Variants in TEKT5 observed in about 807,000 individuals in gnomAD.
TEKT5 encodes tektin 5.
Under a neutral mutation model 48.7 loss-of-function variants are expected in TEKT5, and 52 were observed. That is an observed-to-expected ratio of 1.07 (90% confidence interval 0.86 to 1.35). The LOEUF is 1.35. Among genes scored for constraint, TEKT5 ranks in the 40% most tolerant of loss-of-function variants. The pLI, the probability that TEKT5 is intolerant of heterozygous loss-of-function variation, is 0.00. For synonymous variants in TEKT5, 318 were observed against 267.6 expected, an observed-to-expected ratio of 1.19 and a Z score of -1.84; for missense variants, 831 against 641.6, an observed-to-expected ratio of 1.30 and a Z score of -3.19.
At chr16:10,679,774 G>A (rs993643526) in intron 4 of TEKT5, among the ~76,000 whole-genome samples, 1 of 152,108 alleles carries the variant, frequency 6.6e-6, no homozygotes, top group African/African-American at 2.4e-5. Flanking sequence ...GCACATGCCT[G>A]TAATCCCAGC....
intron 6 of TEKT5, among the ~76,000 whole-genome samples, chr16:10,629,140 C>T (rs1897798489): frequency 6.6e-6 from 1 of 152,014 alleles, no homozygotes; most frequent in African/African-American, 2.4e-5. Flanking sequence ...ACGGGGTTTC[C>T]TTTTGGGTTG....
intron 5 of TEKT5, among the ~76,000 whole-genome samples, chr16:10,639,233 G>A (rs1168885395): frequency 6.6e-6 from 1 of 152,252 alleles, no homozygotes; most frequent in African/African-American, 2.4e-5. Flanking sequence ...TTTGAGCCCA[G>A]GAGTTCAAGG....
intron 3 of TEKT5, 113 bp from the exon 4 acceptor site, chr16:10,682,249 G>T: frequency 8.0e-7 from 1 of 1,252,514 alleles, no homozygotes. Flanking sequence ...CCACCCAGTA[G>T]CTTCTCAGTC....
intron 1 of TEKT5, chr16:10,692,815 T>C (rs1238022946): frequency 6.6e-6 from 1 of 152,182 alleles, no homozygotes; most frequent in Non-Finnish European, 1.5e-5. Context: ...CAAAACCTCC[T>C]TGGGAACAGG....
At chr16:10,666,626 G>A (rs145448522) in intron 5 of TEKT5, among the ~76,000 whole-genome samples, 11 of 152,322 alleles carry the variant, frequency 7.2e-5, no homozygotes, top group East Asian at 3.9e-4. Flanking sequence ...AATGCAGACT[G>A]CAGAGAGAGG....
At chr16:10,648,727 C>T (rs2719757) in intron 5 of TEKT5, among the ~76,000 whole-genome samples, 3,801 of 152,274 alleles carry the variant, frequency 0.025, 120 homozygotes, top group African/African-American at 0.074. Context: ...TGAGGCCCCA[C>T]GTGGTGCCAG....
At chr16:10,641,588 G>A (rs144602030) in intron 5 of TEKT5, among the ~76,000 whole-genome samples, 2 of 152,294 alleles carry the variant, frequency 1.3e-5, no homozygotes, top group East Asian at 3.9e-4. Context: ...GGGAGGATGA[G>A]GTGGGAGGAT....
In TEKT5 at chr16:10,627,515, C is replaced by G. The variant is rs955461293; in HGVS notation, c.*68G>C. ...AAAGTCGGCCCTTTCAAACAAAATA[C>G]TGTTTTACTTTGTTTCTCAGCCTTT... is the stretch of plus-strand genomic sequence containing the variant. On this transcript the variant is annotated 3_prime_UTR_variant, in exon 7 of 7. Transcript: ENST00000283025. 4 of 1,519,262 alleles carry G rather than the reference C, an allele frequency of 2.6e-6. No individual in the cohort carries two copies. The highest frequency in any genetic ancestry group is 3.6e-6 in the Non-Finnish European group (4 of 1,100,868). The allele number at this position is 1,519,262 out of a possible 1,614,324, so 94.1% of individuals were successfully genotyped here.
intron 1 of TEKT5, among the ~76,000 whole-genome samples, chr16:10,692,201 G>A (rs1775067972): frequency 6.6e-6 from 1 of 152,188 alleles, no homozygotes; most frequent in African/African-American, 2.4e-5. Context: ...AGACAGGATG[G>A]GGGAGTGAGA....
chr16:10,676,978 G>C (rs1898657627), intron 4 of TEKT5, among the ~76,000 whole-genome samples: 1 of 152,190 alleles, frequency 6.6e-6, no homozygotes, highest in African/African-American at 2.4e-5. Flanking sequence ...GAGTCCAGGA[G>C]TTCAAGACCA....
chr16:10,645,157 G>A (rs1898051639), intron 5 of TEKT5, among the ~76,000 whole-genome samples: 1 of 152,118 alleles, frequency 6.6e-6, no homozygotes, highest in Admixed American at 6.6e-5. Flanking sequence ...GGTTATAGTA[G>A]CATGAATGCA....
intron 1 of TEKT5, chr16:10,691,377 A>C (rs1319738896): frequency 6.6e-6 from 1 of 152,514 alleles, no homozygotes; most frequent in Non-Finnish European, 1.5e-5. Flanking sequence ...GTGAAGGGCC[A>C]AGAGGAAAAT....
chr16:10,633,126 C>T (rs558527231), intron 6 of TEKT5, among the ~76,000 whole-genome samples: 3 of 152,332 alleles, frequency 2.0e-5, no homozygotes, highest in South Asian at 2.1e-4. Context: ...TTTGGGAGGC[C>T]AAGGTGGCTG....
chr16:10,673,708 TGGTGA>T, intron 5 of TEKT5, among the ~76,000 whole-genome samples: 1 of 148,386 alleles, frequency 6.7e-6, no homozygotes, highest in Admixed American at 6.9e-5. Context: ...TGGAGTGCAG[TGGTGA>T]GATCTCGGCT....
intron 6 of TEKT5, among the ~76,000 whole-genome samples, chr16:10,633,172 C>T (rs1897864333): frequency 6.6e-6 from 1 of 152,140 alleles, no homozygotes; most frequent in Admixed American, 6.5e-5. Flanking sequence ...ACCAGCCTGA[C>T]CAACATGGTG....
At chr16:10,688,108 C>G (rs527627397) in intron 3 of TEKT5, among the ~76,000 whole-genome samples, 30 of 152,232 alleles carry the variant, frequency 2.0e-4, no homozygotes, top group Admixed American at 3.9e-4. Flanking sequence ...TAACAATAGT[C>G]CCGGTGATAG....
intron 5 of TEKT5, among the ~76,000 whole-genome samples, chr16:10,659,213 G>A (rs183572988): frequency 3.9e-5 from 6 of 152,268 alleles, no homozygotes; most frequent in Non-Finnish European, 5.9e-5. Context: ...ACACATGTGC[G>A]CACACACGTA....
intron 1 of TEKT5, among the ~76,000 whole-genome samples, chr16:10,694,013 G>C (rs1049398438): frequency 6.6e-6 from 1 of 152,092 alleles, no homozygotes; most frequent in African/African-American, 2.4e-5. Context: ...TGTGCTTTAA[G>C]GACCAGAACA....
intron 5 of TEKT5, among the ~76,000 whole-genome samples, chr16:10,671,948 A>T (rs1163602552): frequency 6.6e-6 from 1 of 152,178 alleles, no homozygotes; most frequent in African/African-American, 2.4e-5. Flanking sequence ...TGGGAGCTAT[A>T]ATTCAAGATG....
Sources: gnomAD v4.1 joint callset for allele counts (sites outside exome capture counted in the v4.1 genomes callset) on GRCh38, gnomAD v4.1.1 for gene constraint, MANE v1.5 for transcripts, NCBI Gene and HGNC (gene_info 2026-07-23, HGNC 2026-07-21) for gene names.